The following COMMD1 variants were observed in gnomAD, a reference collection of about 807,000 sequenced individuals.
The protein encoded by COMMD1 is COMM domain-containing protein 1.
A neutral mutation model predicts 17.2 loss-of-function variants in COMMD1; 10 were observed. The observed-to-expected ratio is 0.58, with a 90% CI of 0.36 to 0.99. The LOEUF (loss-of-function observed/expected upper bound fraction) is 0.99, where lower values mean the gene tolerates loss of function less well. Ranked by LOEUF, COMMD1 falls within the 50% of genes least tolerant of loss-of-function variation. COMMD1 has a pLI of 0.01. For missense variants in COMMD1, 270 were observed against 231.8 expected, an observed-to-expected ratio of 1.17 and a Z score of -1.07; for synonymous variants, 97 against 91.6, an observed-to-expected ratio of 1.06 and a Z score of -0.34.
chr2:61,954,335 A>G (rs571236900), intron 1 of COMMD1, among the ~76,000 whole-genome samples: 118 of 152,208 alleles, frequency 7.8e-4, no homozygotes, highest in Non-Finnish European at 1.3e-3. Flanking sequence ...GTTTGGTAGG[A>G]GTATAACATT....
intron 1 of COMMD1, among the ~76,000 whole-genome samples, chr2:61,946,479 GAC>G (rs1476147526): frequency 2.0e-5 from 3 of 152,092 alleles, no homozygotes; most frequent in Admixed American, 6.5e-5. Flanking sequence ...ATTCCAATAA[GAC>G]ACAGAATCTT....
intron 2 of COMMD1, among the ~76,000 whole-genome samples, chr2:62,061,000 T>G (rs933216359): frequency 6.6e-6 from 1 of 152,184 alleles, no homozygotes; most frequent in Non-Finnish European, 1.5e-5. Context: ...TTTGACCTTT[T>G]AGGGAATTTT....
At chr2:62,014,640 C>T (rs1370485211) in intron 2 of COMMD1, among the ~76,000 whole-genome samples, 2 of 125,496 alleles carry the variant, frequency 1.6e-5, no homozygotes. Context: ...TGGCTCACTG[C>T]AACCTCTACC....
intron 2 of COMMD1, among the ~76,000 whole-genome samples, chr2:62,128,286 C>CT (rs34621424): frequency 6.6e-6 from 1 of 150,608 alleles, no homozygotes; most frequent in Admixed American, 6.6e-5. Flanking sequence ...TGAGATGGCA[C>CT]TTCTTCACTC....
At chr2:62,105,696 G>A (rs1467658062) in intron 2 of COMMD1, among the ~76,000 whole-genome samples, 4 of 152,132 alleles carry the variant, frequency 2.6e-5, no homozygotes, top group Non-Finnish European at 4.4e-5. Flanking sequence ...GGTGGCAGGC[G>A]CTTGTAATCC....
At chr2:62,039,084 A>C (rs1223121142) in intron 2 of COMMD1, among the ~76,000 whole-genome samples, 3 of 152,214 alleles carry the variant, frequency 2.0e-5, no homozygotes, top group Non-Finnish European at 4.4e-5. Context: ...TCAAGCTCAG[A>C]ATGCTTGCAT....
At chr2:62,088,923 CG>C (rs1558593886) in intron 2 of COMMD1, among the ~76,000 whole-genome samples, 1 of 151,966 alleles carries the variant, frequency 6.6e-6, no homozygotes, top group East Asian at 1.9e-4. Context: ...TTCAGAAAGG[CG>C]GGACAACTCA....
chr2:62,016,253 A>T (rs1159500649), intron 2 of COMMD1, among the ~76,000 whole-genome samples: 1 of 135,282 alleles, frequency 7.4e-6, no homozygotes, highest in East Asian at 2.1e-4. Context: ...CTATCGCCCA[A>T]GCTGGAGTGC....
intron 2 of COMMD1, among the ~76,000 whole-genome samples, chr2:62,013,662 T>G (rs1200305386): frequency 6.6e-6 from 1 of 152,180 alleles, no homozygotes; most frequent in Non-Finnish European, 1.5e-5. Flanking sequence ...GTTTTGAATA[T>G]GGGTGAGTTG....
At chr2:62,044,999 A>T (rs912399508) in intron 2 of COMMD1, among the ~76,000 whole-genome samples, 1 of 152,224 alleles carries the variant, frequency 6.6e-6, no homozygotes, top group Non-Finnish European at 1.5e-5. Context: ...ACAAAAATCA[A>T]TTCACTGAGA....
intron 1 of COMMD1, among the ~76,000 whole-genome samples, chr2:61,912,843 A>G (rs1669944882): frequency 6.6e-6 from 1 of 152,232 alleles, no homozygotes; most frequent in Admixed American, 6.5e-5. Flanking sequence ...TGGCTGTGAT[A>G]GAGGTCATGT....
chr2:62,074,886 T>G (rs377711779), intron 2 of COMMD1, among the ~76,000 whole-genome samples: 35 of 144,080 alleles, frequency 2.4e-4, no homozygotes, highest in African/African-American at 8.6e-4. Flanking sequence ...TTGTGTGGTT[T>G]TTTTTTTTTT....
rs1375611978 is a variant in COMMD1 at position 62,062,216 on chromosome 2, G to GT, written c.462+61243dup. Among the ~76,000 whole-genome samples, 108 of 147,502 alleles carry GT rather than the reference G, an allele frequency of 7.3e-4. 1 individual carries two copies. Among genetic ancestry groups the GT allele is most frequent in the Middle Eastern group, 3.4e-3 (1 of 290 alleles). ...CTGAGGTGGTTGTTTTTGTTTTTCG[G>GT]TTTTTTTTTGTTTTTTTGTTTTTTT... On this transcript the variant is annotated intron_variant, in intron 2 of 2. Transcript: ENST00000311832.
intron 2 of COMMD1, among the ~76,000 whole-genome samples, chr2:62,039,083 G>A (rs955578158): frequency 2.0e-5 from 3 of 152,186 alleles, no homozygotes; most frequent in Non-Finnish European, 2.9e-5. Flanking sequence ...ATCAAGCTCA[G>A]AATGCTTGCA....
intron 2 of COMMD1, among the ~76,000 whole-genome samples, chr2:62,095,764 TA>T (rs1049964079): frequency 2.5e-5 from 3 of 120,816 alleles, no homozygotes; most frequent in Admixed American, 8.8e-5. Context: ...TTCCTGGAAT[TA>T]AAAAAAATGG....
At chr2:61,975,191 G>A (rs187650238) in intron 1 of COMMD1, among the ~76,000 whole-genome samples, 24 of 125,408 alleles carry the variant, frequency 1.9e-4, no homozygotes, top group Non-Finnish European at 3.7e-4. Flanking sequence ...TCTTAGATAA[G>A]CTCATTTCTT....
At chr2:62,117,726 G>A (rs1184860534) in intron 2 of COMMD1, among the ~76,000 whole-genome samples, 2 of 152,172 alleles carry the variant, frequency 1.3e-5, no homozygotes, top group African/African-American at 4.8e-5. Flanking sequence ...GTTATTTTGT[G>A]TGATTTCTGG....
In COMMD1 at chr2:62,052,208, T is replaced by C. The variant is rs1175988725; in HGVS notation, c.462+51226T>C. Among the ~76,000 whole-genome samples, 7 of 152,288 alleles carry C rather than the reference T, an allele frequency of 4.6e-5. No individual in the cohort carries two copies. In the South Asian group the frequency reaches 6.2e-4, roughly 14 times the overall value. The stretch of plus-strand genomic sequence containing the variant: ...GCTCATGCCTGTAATCCCAGCACTT[T>C]GGGAAGCTGACACTGGTGGATTGCT... On this transcript the variant is annotated intron_variant, in intron 2 of 2. Coordinates refer to ENST00000311832, the MANE Select transcript of COMMD1 (RefSeq NM_152516.4).
At chr2:62,016,375 AT>A (rs1266652688) in intron 2 of COMMD1, among the ~76,000 whole-genome samples, 2 of 150,068 alleles carry the variant, frequency 1.3e-5, no homozygotes, top group African/African-American at 4.9e-5. Flanking sequence ...TGCCTGGTTA[AT>A]TTTTTATATT....
Sources: allele counts gnomAD v4.1 joint callset (sites outside exome capture counted in the v4.1 genomes callset), GRCh38; gene constraint gnomAD v4.1.1; transcripts MANE v1.5; gene names NCBI Gene and HGNC (gene_info 2026-07-23, HGNC 2026-07-21).